RBM34: variants seen among roughly 807,000 people sequenced by gnomAD.
The protein encoded by RBM34 is RNA binding motif protein 34.
A neutral mutation model predicts 44.6 loss-of-function variants in RBM34; 39 were observed. The ratio of observed to expected loss-of-function variants is 0.87; its 90% CI spans 0.68 to 1.14. The LOEUF (loss-of-function observed/expected upper bound fraction) is 1.14, where lower values mean the gene tolerates loss of function less well. Among genes scored for constraint, RBM34 ranks in the 50% most tolerant of loss-of-function variants. The pLI, the probability that RBM34 is intolerant of heterozygous loss-of-function variation, is 0.00. For synonymous variants in RBM34, 194 were observed against 184.0 expected (o/e 1.05, Z -0.44); for missense variants, 572 against 517.9 (o/e 1.10, Z -1.01).
chr1:235,149,389 A>C (rs1196364409), intron 5 of RBM34, among the ~76,000 whole-genome samples: 3 of 115,812 alleles, frequency 2.6e-5, no homozygotes, highest in Admixed American at 8.0e-5. Flanking sequence ...ACTCCGTCTC[A>C]AAAAAAAAAA....
At position 235,154,940 on chromosome 1, in the gene RBM34, TCTC is replaced by T; in HGVS notation, c.535_537del (p.Glu179del). On this transcript the variant is annotated inframe_deletion, in exon 4 of 11. Coordinates refer to ENST00000408888, the MANE Select transcript of RBM34 (RefSeq NM_015014.4). ...AACACAGTTCTCTCATTCTTTAATC[TCTC>T]TTCTTCTTGGTTGATTTGAATTTTC... 1 of 1,614,096 alleles carries T rather than the reference TCTC, an allele frequency of 6.2e-7. No individual in the cohort carries two copies. Among genetic ancestry groups the T allele is most frequent in the Non-Finnish European group, 8.5e-7 (1 of 1,180,004 alleles).
At chr1:235,156,177 A>AT (rs892462798) in intron 3 of RBM34, among the ~76,000 whole-genome samples, 2 of 149,402 alleles carry the variant, frequency 1.3e-5, no homozygotes, top group African/African-American at 2.5e-5. Flanking sequence ...CTCCTTTTAT[A>AT]TTTTTTTGTA....
At chr1:235,135,418 G>A (rs1024917927) in intron 10 of RBM34, among the ~76,000 whole-genome samples, 6 of 151,710 alleles carry the variant, frequency 4.0e-5, no homozygotes, top group Non-Finnish European at 8.8e-5. Context: ...TAGTAGAGAC[G>A]AGGTTTTACC....
At chr1:235,134,190 T>C (rs1157979838) in intron 10 of RBM34, among the ~76,000 whole-genome samples, 3 of 152,046 alleles carry the variant, frequency 2.0e-5, no homozygotes, top group African/African-American at 7.2e-5. Context: ...GCCCAGCTGA[T>C]TTTTGTATTT....
intron 6 of RBM34, among the ~76,000 whole-genome samples, chr1:235,138,910 TAA>T (rs1272428236): frequency 1.3e-5 from 2 of 152,182 alleles, no homozygotes; most frequent in Non-Finnish European, 2.9e-5. Context: ...TCAAGTAGTT[TAA>T]CACAAACCTT....
At chr1:235,152,882 T>C (rs1572163680) in intron 4 of RBM34, 117 bp from the exon 5 acceptor site, 1 of 936,702 alleles carries the variant, frequency 1.1e-6, no homozygotes, top group African/African-American at 1.7e-5. Context: ...TTTTTTTTTT[T>C]TTTTGAGACA....
intron 3 of RBM34, 54 bp from the exon 4 acceptor site, chr1:235,155,166 G>A: frequency 1.4e-6 from 2 of 1,431,016 alleles, no homozygotes; most frequent in Non-Finnish European, 1.9e-6. Flanking sequence ...GTTAGGTCTA[G>A]TATTTGACAA....
chr1:235,137,977 A>C (rs1661498419), intron 7 of RBM34, 37 bp from the exon 8 acceptor site: 1 of 1,568,356 alleles, frequency 6.4e-7, no homozygotes, highest in African/African-American at 1.4e-5. Context: ...GGTTGTTAAA[A>C]ATGAGCACTC....
rs1163449109 is a variant in RBM34 at position 235,137,932 on chromosome 1, G to A, written c.794C>T (p.Ala265Val). The change falls in exon 8 of 11, where the codon GCC becomes GTC. Residue 265 changes from alanine (A) to valine (V), a missense_variant. Physicochemically the swap from Ala to Val is moderately conservative, Grantham distance 64. Transcript: ENST00000408888. ...AATACGAAATCCATCTGCAATCTGGGCCCCATTTCTGTATTATAAATACAA... is the reference window on the plus strand; with the variant it reads ...AATACGAAATCCATCTGCAATCTGGACCCCATTTCTGTATTATAAATACAA... Reference protein sequence around the residue: ...AATQALKRNGAQIADGFRIRV... With the variant: ...AATQALKRNGVQIADGFRIRV... The A allele has an allele frequency of 6.2e-7, 1 of 1,603,326 alleles. No homozygotes were observed. The highest frequency in any genetic ancestry group is 8.5e-7 in the Non-Finnish European group (1 of 1,172,008).
At chr1:235,148,277 C>G (rs72756032) in intron 6 of RBM34, 127 bp downstream of exon 6, 6,778 of 566,048 alleles carry the variant, frequency 0.012, 58 homozygotes, top group Non-Finnish European at 0.015. Flanking sequence ...CAGAAGCAAA[C>G]AGTCAATCAT....
intron 6 of RBM34, among the ~76,000 whole-genome samples, chr1:235,144,973 G>A (rs1266219770): frequency 1.3e-5 from 2 of 152,174 alleles, no homozygotes; most frequent in Non-Finnish European, 2.9e-5. Flanking sequence ...AACCAGGGAG[G>A]CGGAGATTAC....
At chr1:235,151,202 A>G (rs542845091) in intron 5 of RBM34, among the ~76,000 whole-genome samples, 1 of 152,334 alleles carries the variant, frequency 6.6e-6, no homozygotes, top group South Asian at 2.1e-4. Context: ...GGCAAACACT[A>G]GCATGGGTGA....
intron 5 of RBM34, among the ~76,000 whole-genome samples, chr1:235,149,159 C>T (rs1056319593): frequency 2.2e-4 from 33 of 151,636 alleles, no homozygotes; most frequent in African/African-American, 6.8e-4. Context: ...GAGGCCAAGG[C>T]GGGCGGATCA....
intron 6 of RBM34, among the ~76,000 whole-genome samples, chr1:235,146,569 T>G (rs946071817): frequency 6.6e-6 from 1 of 152,162 alleles, no homozygotes; most frequent in Non-Finnish European, 1.5e-5. Context: ...CTAAAAACAC[T>G]TGCCTAGGGT....
rs369804453 is a variant in RBM34, at chr1:235,153,404, T to C, written c.598-639A>G. ...CCATAGATTCTCTCATGTTTTCACA[T>C]TGGTTTAAACCAGGAATAAACTTTT... On this transcript the variant is annotated intron_variant, in intron 4 of 10. Coordinates refer to ENST00000408888, the MANE Select transcript of RBM34 (RefSeq NM_015014.4). 1.6e-3 allele frequency among the ~76,000 whole-genome samples: 238 copies of C among 152,280 alleles called. 2 individuals carry two copies. Among genetic ancestry groups the C allele is most frequent in the African/African-American group, 5.6e-3 (232 of 41,560 alleles).
intron 6 of RBM34, among the ~76,000 whole-genome samples, chr1:235,140,665 G>A (rs1661644952): frequency 6.6e-6 from 1 of 152,234 alleles, no homozygotes; most frequent in African/African-American, 2.4e-5. Flanking sequence ...CCACCAAAGG[G>A]CTGGGGAGTG....
intron 6 of RBM34, among the ~76,000 whole-genome samples, chr1:235,143,608 T>C (rs563421725): frequency 5.3e-4 from 80 of 152,246 alleles, no homozygotes; most frequent in South Asian, 2.9e-3. Context: ...CATGGTGGTA[T>C]GTGTCTGTAA....
chr1:235,155,190 C>G, intron 3 of RBM34, 78 bp from the exon 4 acceptor site: 1 of 1,090,418 alleles, frequency 9.2e-7, no homozygotes, highest in Non-Finnish European at 1.3e-6. Context: ...ACAGCCCTAC[C>G]CTCCCGACTA....
In RBM34 at chr1:235,161,171, C is replaced by T. The variant is rs1234900547; in HGVS notation, c.53+3G>A. ...CCAGGTACTCGTGCCGCGCGCCACT[C>T]ACCCCTCCTGGACACTTCTCTTTCT... is the stretch of plus-strand genomic sequence containing the variant. On this transcript the variant is annotated splice_donor_region_variant and intron_variant, in intron 1 of 10. Coordinates refer to ENST00000408888, the MANE Select transcript of RBM34 (RefSeq NM_015014.4). The T allele has an allele frequency of 6.2e-7, 1 of 1,600,570 alleles. No homozygotes were observed. The highest frequency in any genetic ancestry group is 2.2e-5 in the East Asian group (1 of 44,594).
Sources: allele counts gnomAD v4.1 joint callset (sites outside exome capture counted in the v4.1 genomes callset), GRCh38; gene constraint gnomAD v4.1.1; transcripts MANE v1.5; gene names NCBI Gene and HGNC (gene_info 2026-07-23, HGNC 2026-07-21).